The following LAMP1 variants were observed in gnomAD, a reference collection of about 807,000 sequenced individuals.
LAMP1 encodes lysosome-associated membrane glycoprotein 1.
Under a neutral mutation model 37.5 loss-of-function variants are expected in LAMP1, and 7 were observed. That is an observed-to-expected ratio of 0.19 (90% CI 0.11 to 0.35). The LOEUF (loss-of-function observed/expected upper bound fraction) is 0.35. LAMP1 is among the 10% of genes least tolerant of loss of function. LAMP1 has a pLI of 1.00. For missense variants in LAMP1, 537 were observed against 552.8 expected, an observed-to-expected ratio of 0.97 and a Z score of 0.29; for synonymous variants, 236 against 229.1, an observed-to-expected ratio of 1.03 and a Z score of -0.27.
chr13:113,303,920 A>G (rs1184331996), intron 1 of LAMP1, among the ~76,000 whole-genome samples: 1 of 152,136 alleles, frequency 6.6e-6, no homozygotes, highest in Non-Finnish European at 1.5e-5. Context: ...CCCCGTCTCT[A>G]CTAAAAATAC....
At position 113,320,203 on chromosome 13, in the gene LAMP1, C is replaced by A; in HGVS notation, c.751-142C>A. ...TCATCTTGGGATCCCGAAATCTGTA[C>A]TAGTGTGGTCTTTCAGTGTTTTCCT... On this transcript the variant is annotated intron_variant, in intron 5 of 8. Transcript: ENST00000332556. This position sits in a 1 kb window ranked among gnomAD's most constrained non-coding sequence, Gnocchi z 4.4. 2.1e-6 allele frequency: 2 copies of A among 951,994 alleles called. No individual in the cohort carries two copies. The highest frequency in any genetic ancestry group is 3.3e-6 in the Non-Finnish European group (2 of 612,532). The allele number at this position is 951,994 out of a possible 1,614,324, so 59.0% of individuals were successfully genotyped here. A position where few individuals can be genotyped will look rare whatever the true frequency, so the allele number is the denominator to read the frequency against.
In LAMP1 at chr13:113,306,583, T is replaced by G; in HGVS notation, c.160T>G (p.Tyr54Asp). 6.2e-7 allele frequency: 1 copy of G among 1,614,044 alleles called. No individual in the cohort carries two copies. The highest frequency in any genetic ancestry group is 1.1e-5 in the South Asian group (1 of 91,070). Reference protein sequence around the residue: ...ANFSAAFSVNYDTKSGPKNMT... With the variant: ...ANFSAAFSVNDDTKSGPKNMT... ...CTTCTCTGCTGCCTTCTCAGTGAAC[T>G]ACGACACCAAGAGTGGCCCTAAGGT... The change falls in exon 2 of 9, where the codon TAC (tyrosine) becomes GAC (aspartate). Residue 54 changes from tyrosine to aspartate, a missense_variant. Transcript: ENST00000332556.
At chr13:113,301,644 AATATATAT>A (rs1178393830) in intron 1 of LAMP1, among the ~76,000 whole-genome samples, 31 of 3,864 alleles carry the variant, frequency 8.0e-3, no homozygotes, top group African/African-American at 0.021. Flanking sequence ...AAAAAAAAAA[AATATATAT>A]ATATATATAT....
At chr13:113,300,877 C>T (rs955214207) in intron 1 of LAMP1, among the ~76,000 whole-genome samples, 2 of 152,088 alleles carry the variant, frequency 1.3e-5, no homozygotes, top group Non-Finnish European at 2.9e-5. Context: ...TGCAGATTGT[C>T]AGTTATGCGG....
At chr13:113,316,577 C>A (rs551283710) in intron 4 of LAMP1, among the ~76,000 whole-genome samples, 1 of 152,218 alleles carries the variant, frequency 6.6e-6, no homozygotes, top group African/African-American at 2.4e-5. Flanking sequence ...CGCCCGCCAC[C>A]ACGCCTGGCT....
At chr13:113,307,892 G>A (rs1286883348) in intron 2 of LAMP1, among the ~76,000 whole-genome samples, 4 of 145,748 alleles carry the variant, frequency 2.7e-5, no homozygotes, top group South Asian at 2.2e-4. Flanking sequence ...CTGTGAGGTC[G>A]AGGCTGCAGT....
Position 113,322,375 on chromosome 13 carries a change from A to G in LAMP1, c.1208A>G (p.Tyr403Cys). The G allele has an allele frequency of 6.3e-7, 1 of 1,594,176 alleles. No individual in the cohort carries two copies. Among genetic ancestry groups the G allele is most frequent in the Non-Finnish European group, 8.6e-7 (1 of 1,169,248 alleles). ...AGLVLIVLIA[Y>C]LVGRKRSHAG... ...CTGGTCCTCATCGTCCTCATCGCCT[A>G]CCTCGTCGGCAGGAAGAGGAGTCAC... The change falls in exon 9 of 9, where the codon TAC becomes TGC. Residue 403 changes from tyrosine to cysteine, a missense_variant. Coordinates refer to ENST00000332556, the MANE Select transcript of LAMP1 (RefSeq NM_005561.4).
At chr13:113,302,163 T>C (rs1051746678) in intron 1 of LAMP1, among the ~76,000 whole-genome samples, 9 of 151,472 alleles carry the variant, frequency 5.9e-5, no homozygotes, top group African/African-American at 2.2e-4. Context: ...ACACCCAGCC[T>C]AAGATGTAAT....
At chr13:113,304,654 CT>C (rs1298127350) in intron 1 of LAMP1, among the ~76,000 whole-genome samples, 2 of 151,148 alleles carry the variant, frequency 1.3e-5, no homozygotes, top group Non-Finnish European at 2.9e-5. Flanking sequence ...AGCACCTTTT[CT>C]TTTTCTTTTT....
At position 113,310,849 on chromosome 13, in the gene LAMP1, A is replaced by G; in HGVS notation, c.544A>G (p.Ser182Gly). 1 of 1,613,428 alleles carries G rather than the reference A, an allele frequency of 6.2e-7. No individual in the cohort carries two copies. Among genetic ancestry groups the G allele is most frequent in the Non-Finnish European group, 8.5e-7 (1 of 1,179,886 alleles). ...DATIQAYLSNSSFSRGETRCE... is the reference protein window; with the variant it reads ...DATIQAYLSNGSFSRGETRCE... Reference sequence around the variant, plus strand: ...CACCATCCAGGCGTACCTTTCCAACAGCAGCTTCAGCCGGGGAGGTAGGAC... The same window carrying G: ...CACCATCCAGGCGTACCTTTCCAACGGCAGCTTCAGCCGGGGAGGTAGGAC... The change falls in exon 4 of 9, where the codon AGC becomes GGC. Residue 182 changes from serine (S) to glycine (G), a missense_variant. By Grantham distance (56) the Ser-to-Gly change is moderately conservative. Coordinates refer to ENST00000332556, the MANE Select transcript of LAMP1 (RefSeq NM_005561.4).
chr13:113,321,981 C>G lies in LAMP1; in HGVS notation c.1114+254C>G, dbSNP rs2042703476. ...ATTTTAAGAAACAGTGGTGGCGCTTCTCCCATGAACGTTGAATACAACACT... is the reference window on the plus strand; with the variant it reads ...ATTTTAAGAAACAGTGGTGGCGCTTGTCCCATGAACGTTGAATACAACACT... On this transcript the variant is annotated intron_variant, in intron 8 of 8. Coordinates refer to ENST00000332556, the MANE Select transcript of LAMP1 (RefSeq NM_005561.4). The surrounding 1 kb of genome is among the most constrained non-coding windows in gnomAD (Gnocchi z 5.6). The G allele has an allele frequency of 5.1e-6, 3 of 589,108 alleles. No homozygotes were observed. In the African/African-American group the frequency reaches 5.6e-5, roughly 11 times the overall value. 36.5% of individuals were successfully genotyped at this position (589,108 alleles called of 1,614,324 possible).
At position 113,322,357 on chromosome 13, in the gene LAMP1, T is replaced by C; in HGVS notation, c.1190T>C (p.Leu397Pro). Residue 397 changes from leucine (L) to proline (P), a missense_variant, in exon 9 of 9, where the codon CTC becomes CCC. Transcript: ENST00000332556. Reference sequence around the variant, plus strand: ...GGTGGTGCCCTGGCGGGGCTGGTCCTCATCGTCCTCATCGCCTACCTCGTC... The same window carrying C: ...GGTGGTGCCCTGGCGGGGCTGGTCCCCATCGTCCTCATCGCCTACCTCGTC... Reference protein sequence around the residue: ...AVGGALAGLVLIVLIAYLVGR... With the variant: ...AVGGALAGLVPIVLIAYLVGR... The C allele has an allele frequency of 6.2e-7, 1 of 1,600,708 alleles. No homozygotes were observed. The highest frequency in any genetic ancestry group is 8.5e-7 in the Non-Finnish European group (1 of 1,173,110).
intron 2 of LAMP1, among the ~76,000 whole-genome samples, chr13:113,307,417 C>G (rs778095444): frequency 6.6e-5 from 10 of 152,118 alleles, no homozygotes; most frequent in Non-Finnish European, 8.8e-5. Flanking sequence ...CTTGGCCTCC[C>G]AAAGTGTTGG....
At position 113,310,872 on chromosome 13, in the gene LAMP1, G is replaced by T; in HGVS notation, c.562+5G>T. On this transcript the variant is annotated splice_donor_5th_base_variant and intron_variant, in intron 4 of 8. Coordinates refer to ENST00000332556, the MANE Select transcript of LAMP1 (RefSeq NM_005561.4). ...ACAGCAGCTTCAGCCGGGGAGGTAGGACGCTGACCCTTGGCCCTCTGGTGC... is the reference window on the plus strand; with the variant it reads ...ACAGCAGCTTCAGCCGGGGAGGTAGTACGCTGACCCTTGGCCCTCTGGTGC... The T allele has an allele frequency of 6.2e-7, 1 of 1,612,408 alleles. No individual in the cohort carries two copies. The highest frequency in any genetic ancestry group is 8.5e-7 in the Non-Finnish European group (1 of 1,179,268).
At chr13:113,299,024 C>T (rs1364553054) in intron 1 of LAMP1, among the ~76,000 whole-genome samples, 1 of 152,114 alleles carries the variant, frequency 6.6e-6, no homozygotes. Flanking sequence ...CCTGTAATCC[C>T]AGCTACTTGG....
chr13:113,322,314 C>T lies in LAMP1; in HGVS notation c.1147C>T (p.Leu383=), dbSNP rs1398546291. ...GTGTCTGCTGGACGAGAACAGCATG[C>T]TGATCCCCATCGCTGTGGGTGGTGC... ...EECLLDENSM[L]IPIAVGGALA... The change falls in exon 9 of 9, where the codon CTG becomes TTG. Residue 383 remains leucine (L), a synonymous_variant. Transcript: ENST00000332556. 1.2e-6 allele frequency: 2 copies of T among 1,613,704 alleles called. No individual in the cohort carries two copies. The highest frequency in any genetic ancestry group is 8.5e-7 in the Non-Finnish European group (1 of 1,179,884).
intron 1 of LAMP1, 195 bp from the exon 2 acceptor site, chr13:113,306,290 G>A: frequency 2.4e-6 from 1 of 423,688 alleles, no homozygotes; most frequent in Non-Finnish European, 4.2e-6. Context: ...CTGGGAGGTG[G>A]AGGTTGCAGT....
At chr13:113,301,644 A>AATATAT (rs1178393830) in intron 1 of LAMP1, among the ~76,000 whole-genome samples, 1 of 3,868 alleles carries the variant, frequency 2.6e-4, no homozygotes, top group African/African-American at 7.1e-4. Flanking sequence ...AAAAAAAAAA[A>AATATAT]ATATATATAT....
intron 3 of LAMP1, among the ~76,000 whole-genome samples, chr13:113,310,504 C>T (rs918971049): frequency 3.3e-5 from 5 of 151,826 alleles, no homozygotes; most frequent in South Asian, 4.1e-4. Flanking sequence ...CCAGCTTGGG[C>T]GACAGGGCGA....
Sources: gnomAD v4.1 joint callset for allele counts (sites outside exome capture counted in the v4.1 genomes callset) on GRCh38, gnomAD v4.1.1 for gene constraint, Gnocchi (gnomAD v3.1) non-coding constraint, MANE v1.5 for transcripts, NCBI Gene and HGNC (gene_info 2026-07-23, HGNC 2026-07-21) for gene names.